The following ACOT11 variants were observed in gnomAD, a reference collection of about 807,000 sequenced individuals.
The protein encoded by ACOT11 is acyl-CoA thioesterase 11.
A neutral mutation model predicts 77.5 loss-of-function variants in ACOT11; 69 were observed. That is an observed-to-expected ratio of 0.89 (90% CI 0.73 to 1.09). The LOEUF is 1.09. Ranked by LOEUF, ACOT11 falls within the 50% of genes least tolerant of loss-of-function variation. ACOT11 has a pLI of 0.00. For missense variants in ACOT11, 766 were observed against 813.7 expected, an observed-to-expected ratio of 0.94 and a Z score of 0.71; for synonymous variants, 279 against 313.0, an observed-to-expected ratio of 0.89 and a Z score of 1.15.
chr1:54,610,267 C>CCG lies in ACOT11; in HGVS notation c.*1157_*1158dup. On this transcript the variant is annotated 3_prime_UTR_variant, in exon 16 of 16. Transcript: ENST00000343744. ...ACATCACTGTACTCCCTCTCCCTCC[C>CCG]CGCAACCCTGCCCCACCTTGCATCC... The CCG allele has an allele frequency of 6.7e-7, 1 of 1,487,340 alleles. No individual in the cohort carries two copies. The highest frequency in any genetic ancestry group is 8.9e-7 in the Non-Finnish European group (1 of 1,125,080). The allele number at this position is 1,487,340 out of a possible 1,614,324, so 92.1% of individuals were successfully genotyped here.
At chr1:54,573,961 G>A (rs1654013774) in intron 1 of ACOT11, among the ~76,000 whole-genome samples, 2 of 151,924 alleles carry the variant, frequency 1.3e-5, no homozygotes, top group Admixed American at 1.3e-4. Flanking sequence ...CCCAGGAGGT[G>A]GAGGTTGTGG....
chr1:54,562,536 G>A (rs1319529710), intron 1 of ACOT11, among the ~76,000 whole-genome samples: 1 of 92,068 alleles, frequency 1.1e-5, no homozygotes, highest in Non-Finnish European at 2.4e-5. Flanking sequence ...CTGGCCGGGC[G>A]GGGGGCTGAC....
chr1:54,549,069 G>A (rs1652974237), intron 1 of ACOT11, among the ~76,000 whole-genome samples: 2 of 151,992 alleles, frequency 1.3e-5, no homozygotes, highest in South Asian at 4.1e-4. Context: ...TTTTAAAGGG[G>A]CTGGAACAAT....
At chr1:54,602,622 G>T (rs1431388651) in intron 9 of ACOT11, 47 bp from the exon 10 acceptor site, 2 of 1,468,214 alleles carry the variant, frequency 1.4e-6, no homozygotes, top group Non-Finnish European at 1.8e-6. Context: ...GAGGGGGCAG[G>T]ACGGAGGGTG....
chr1:54,609,678 C>T lies in ACOT11; in HGVS notation c.*566C>T, dbSNP rs779194676. ...ACATGGCCGGGGACCGAAAAACTCCCGTGGGAGATTTTGGCCCCAACCCAC... is the reference window on the plus strand; with the variant it reads ...ACATGGCCGGGGACCGAAAAACTCCTGTGGGAGATTTTGGCCCCAACCCAC... On this transcript the variant is annotated 3_prime_UTR_variant, in exon 16 of 16. Transcript: ENST00000343744. 5.0e-6 allele frequency: 8 copies of T among 1,613,924 alleles called. No homozygotes were observed. The African/African-American group carries it at 6.7e-5, about 13-fold the overall frequency.
intron 3 of ACOT11, among the ~76,000 whole-genome samples, chr1:54,587,282 A>T (rs536775868): frequency 6.6e-6 from 1 of 152,028 alleles, no homozygotes; most frequent in African/African-American, 2.4e-5. Flanking sequence ...TGGGGGGCCT[A>T]CGCGGGTGGA....
chr1:54,594,390 G>A lies in ACOT11; in HGVS notation c.472-166G>A, dbSNP rs114826159. The stretch of plus-strand genomic sequence containing the variant: ...GAGGATGAATATGTATCAGGTCATC[G>A]TGGAGGCAGGAAGATGGGGCAAAGA... On this transcript the variant is annotated intron_variant, in intron 5 of 15. Coordinates refer to ENST00000343744, the MANE Select transcript of ACOT11 (RefSeq NM_147161.4). Among the ~76,000 whole-genome samples the A allele has an allele frequency of 7.2e-3, 1,100 of 152,342 alleles. 9 individuals carry two copies. The highest frequency in any genetic ancestry group is 0.022 in the African/African-American group (913 of 41,576).
chr1:54,599,240 C>T, intron 7 of ACOT11, 56 bp from the exon 8 acceptor site: 1 of 1,130,360 alleles, frequency 8.8e-7, no homozygotes, highest in Non-Finnish European at 1.1e-6. Context: ...CTGGCCCAAA[C>T]TAGTGGCTGA....
At position 54,601,407 on chromosome 1, in the gene ACOT11, G is replaced by A; in HGVS notation, c.1023G>A (p.Gln341=). The change falls in exon 9 of 16, where the codon CAG becomes CAA. Residue 341 remains glutamine (Q), a synonymous_variant. Transcript: ENST00000343744. ...QPQLLPWIRP[Q]PGDGERRYRE... ...AGTTGCTGCCCTGGATTCGGCCCCA[G>A]CCCGGCGTAAGTGGGACCAGCGCCC... The A allele has an allele frequency of 6.2e-7, 1 of 1,612,088 alleles. No homozygotes were observed. The highest frequency in any genetic ancestry group is 8.5e-7 in the Non-Finnish European group (1 of 1,179,848).
chr1:54,613,378 CAA>C (rs544534443), downstream of ACOT11, among the ~76,000 whole-genome samples: 1 of 142,672 alleles, frequency 7.0e-6, no homozygotes, highest in Non-Finnish European at 1.5e-5. Flanking sequence ...GACTCCATCT[CAA>C]AAAAAAAAAA....
intron 7 of ACOT11, 173 bp downstream of exon 7, chr1:54,597,588 T>TA (rs1180753022): frequency 7.2e-6 from 6 of 838,840 alleles, no homozygotes; most frequent in African/African-American, 1.7e-5. Context: ...CTTGTTCTAC[T>TA]AAAAAAGCTA....
At chr1:54,629,223 G>T (rs1407212781) in intron 15 of ACOT11, among the ~76,000 whole-genome samples, 1 of 134,060 alleles carries the variant, frequency 7.5e-6, no homozygotes, top group African/African-American at 2.5e-5. Context: ...GTAAACAGCA[G>T]AATCAGACCC....
At chr1:54,587,718 C>T (rs1370265364) in intron 3 of ACOT11, among the ~76,000 whole-genome samples, 7 of 150,678 alleles carry the variant, frequency 4.6e-5, no homozygotes, top group Admixed American at 2.0e-4. Flanking sequence ...CGTGACACCA[C>T]ACCCAGCTAA....
At position 54,584,189 on chromosome 1, in the gene ACOT11, C is replaced by T. The variant is rs753043123; in HGVS notation, c.34-466C>T. Among the ~76,000 whole-genome samples, 1 of 150,544 alleles carries T rather than the reference C, an allele frequency of 6.6e-6. No homozygotes were observed. Among genetic ancestry groups the T allele is most frequent in the African/African-American group, 2.5e-5 (1 of 39,918 alleles). ...AGATGGAGGGAGCCCAAGAAAGGAG[C>T]CCTTTGGGGATGAAATCAGAGCGGC... On this transcript the variant is annotated intron_variant, in intron 1 of 15. Coordinates refer to ENST00000343744, the MANE Select transcript of ACOT11 (RefSeq NM_147161.4). The surrounding 1 kb of genome is among the most constrained non-coding windows in gnomAD (Gnocchi z 6.3).
chr1:54,556,546 T>C (rs1437169159), intron 1 of ACOT11, among the ~76,000 whole-genome samples: 1 of 152,198 alleles, frequency 6.6e-6, no homozygotes, highest in African/African-American at 2.4e-5. Flanking sequence ...TTATATCTTC[T>C]TCAATTTCTT....
Position 54,609,981 on chromosome 1 carries a change from G to A in ACOT11, c.*869G>A, listed in dbSNP as rs754667942. ...AGAGGCAACAGTGTTTAGGATTTGG[G>A]TTATCATAAGGTGTTAAGAGTCCCT... On this transcript the variant is annotated 3_prime_UTR_variant, in exon 16 of 16. Coordinates refer to ENST00000343744, the MANE Select transcript of ACOT11 (RefSeq NM_147161.4). 8 of 1,575,050 alleles carry A rather than the reference G, an allele frequency of 5.1e-6. No individual in the cohort carries two copies. The highest frequency in any genetic ancestry group is 4.7e-5 in the South Asian group (4 of 85,792).
rs770059133 is a variant in ACOT11, at chr1:54,609,944, G to A, written c.*832G>A. On this transcript the variant is annotated 3_prime_UTR_variant, in exon 16 of 16. Transcript: ENST00000343744. ...CAGCAGGATCATGCCTTCTGTGTCT[G>A]GAAGAGGCGGCAGAGGCAACAGTGT... 1.9e-6 allele frequency: 3 copies of A among 1,600,176 alleles called. No individual in the cohort carries two copies. Among genetic ancestry groups the A allele is most frequent in the African/African-American group, 2.7e-5 (2 of 74,858 alleles).
In ACOT11 at chr1:54,594,068, G is replaced by T. The variant is rs755023769; in HGVS notation, c.471+29G>T. The T allele has an allele frequency of 3.1e-6, 5 of 1,599,330 alleles. No individual in the cohort carries two copies. The Admixed American group carries it at 5.0e-5, about 16-fold the overall frequency. On this transcript the variant is annotated intron_variant, in intron 5 of 15. Coordinates refer to ENST00000343744, the MANE Select transcript of ACOT11 (RefSeq NM_147161.4). Reference sequence around the variant, plus strand: ...ACTGGGTGCGCCTGGCTGCTGGAACGCTGCTCAGTGACCTGGGCACCTGCC... The same window carrying T: ...ACTGGGTGCGCCTGGCTGCTGGAACTCTGCTCAGTGACCTGGGCACCTGCC...
At chr1:54,638,241 G>A (rs1490090763) in exon 17 of ACOT11, 1 of 152,242 alleles carries the variant, frequency 6.6e-6, no homozygotes, top group Admixed American at 6.5e-5. Flanking sequence ...CCAGAAGGCA[G>A]TGGAACATTA....
Sources: allele counts gnomAD v4.1 joint callset (sites outside exome capture counted in the v4.1 genomes callset), GRCh38; gene constraint gnomAD v4.1.1; non-coding constraint Gnocchi (gnomAD v3.1); transcripts MANE v1.5; gene names NCBI Gene and HGNC (gene_info 2026-07-23, HGNC 2026-07-21).